Variants in GRID1 observed in about 807,000 individuals in gnomAD.
GRID1 encodes glutamate receptor ionotropic, delta-1.
In GRID1, 28 loss-of-function variants were observed where a neutral mutation model predicts 98.0. The ratio of observed to expected loss-of-function variants is 0.29; its 90% CI spans 0.21 to 0.39. The LOEUF (loss-of-function observed/expected upper bound fraction) is 0.39. Among genes scored for constraint, GRID1 ranks in the 10% least tolerant of loss-of-function variants. The pLI, the probability that GRID1 is intolerant of heterozygous loss-of-function variation, is 1.00. For missense variants in GRID1, 1,111 were observed against 1,340.5 expected, an observed-to-expected ratio of 0.83 and a Z score of 2.67; for synonymous variants, 553 against 538.5, an observed-to-expected ratio of 1.03 and a Z score of -0.37.
At chr10:86,076,219 T>G (rs536097785) in intron 4 of GRID1, among the ~76,000 whole-genome samples, 2 of 152,362 alleles carry the variant, frequency 1.3e-5, no homozygotes, top group South Asian at 2.1e-4. Flanking sequence ...AAACATTCCC[T>G]GCTAGTATAT....
intron 4 of GRID1, among the ~76,000 whole-genome samples, chr10:85,978,917 T>C (rs1191856370): frequency 6.6e-6 from 1 of 152,124 alleles, no homozygotes; most frequent in East Asian, 1.9e-4. Flanking sequence ...TACAGAGAAA[T>C]TGGGGCTCAG....
chr10:86,203,529 C>T (rs568902407), intron 3 of GRID1, among the ~76,000 whole-genome samples: 3 of 82,316 alleles, frequency 3.6e-5, no homozygotes, highest in South Asian at 3.3e-4. Context: ...CACTGGGCAC[C>T]GGGTTAAAAT....
chr10:86,247,221 G>A (rs925503014), intron 2 of GRID1, among the ~76,000 whole-genome samples: 1 of 151,458 alleles, frequency 6.6e-6, no homozygotes, highest in South Asian at 2.1e-4. Flanking sequence ...AGATGGGTAA[G>A]TAGATGGAAG....
intron 8 of GRID1, among the ~76,000 whole-genome samples, chr10:85,835,530 T>TC (rs1842905068): frequency 6.6e-6 from 1 of 152,186 alleles, no homozygotes; most frequent in African/African-American, 2.4e-5. Flanking sequence ...GTGATATTGC[T>TC]CCTCCTTTGC....
chr10:85,763,315 G>T (rs1218288789), intron 8 of GRID1, among the ~76,000 whole-genome samples: 1 of 152,154 alleles, frequency 6.6e-6, no homozygotes, highest in Non-Finnish European at 1.5e-5. Flanking sequence ...TCTCTTACGA[G>T]GAAGAGCAAG....
chr10:85,837,388 G>T (rs992982097), intron 8 of GRID1, among the ~76,000 whole-genome samples: 3 of 152,122 alleles, frequency 2.0e-5, no homozygotes, highest in Admixed American at 2.0e-4. Context: ...AGTGAGGCTG[G>T]CACCCCTGCC....
At chr10:86,055,957 A>C (rs1186335684) in intron 4 of GRID1, among the ~76,000 whole-genome samples, 1 of 152,208 alleles carries the variant, frequency 6.6e-6, no homozygotes, top group African/African-American at 2.4e-5. Flanking sequence ...TGTGAGAAAA[A>C]CAAATTTCTG....
At chr10:86,319,062 G>A (rs1204775246) in intron 2 of GRID1, among the ~76,000 whole-genome samples, 1 of 152,144 alleles carries the variant, frequency 6.6e-6, no homozygotes, top group African/African-American at 2.4e-5. Context: ...CAGGGTGGGG[G>A]GAACTGGGAG....
chr10:85,841,756 C>T (rs1490234683), intron 8 of GRID1, among the ~76,000 whole-genome samples: 4 of 151,796 alleles, frequency 2.6e-5, no homozygotes, highest in South Asian at 4.2e-4. Flanking sequence ...TAAAGAAATG[C>T]AAATTAAAAG....
intron 12 of GRID1, among the ~76,000 whole-genome samples, chr10:85,669,646 G>A (rs978231898): frequency 2.0e-5 from 3 of 152,076 alleles, no homozygotes; most frequent in African/African-American, 7.2e-5. Flanking sequence ...TGCTCTGTAG[G>A]TCCTGATTTG....
intron 8 of GRID1, among the ~76,000 whole-genome samples, chr10:85,804,111 T>C (rs575287881): frequency 2.7e-5 from 4 of 148,232 alleles, no homozygotes; most frequent in South Asian, 4.3e-4. Flanking sequence ...ACAGTAACAA[T>C]AAAAATTGAT....
chr10:85,859,850 C>T (rs1843148450), intron 6 of GRID1, among the ~76,000 whole-genome samples: 2 of 152,172 alleles, frequency 1.3e-5, no homozygotes, highest in Admixed American at 6.5e-5. Flanking sequence ...AGGAAAGGCC[C>T]TAACCTCACA....
At chr10:86,220,892 G>A (rs1846243052) in intron 2 of GRID1, among the ~76,000 whole-genome samples, 2 of 152,216 alleles carry the variant, frequency 1.3e-5, no homozygotes, top group African/African-American at 4.8e-5. Context: ...AGCATCTGAG[G>A]GGACCACCCT....
chr10:86,031,770 G>C (rs1247648718), intron 4 of GRID1, among the ~76,000 whole-genome samples: 1 of 152,034 alleles, frequency 6.6e-6, no homozygotes, highest in African/African-American at 2.4e-5. Context: ...CCATCTTAAA[G>C]TACATTTCTT....
chr10:86,017,120 C>A (rs10788476), intron 4 of GRID1, among the ~76,000 whole-genome samples: 2 of 152,018 alleles, frequency 1.3e-5, no homozygotes, highest in Non-Finnish European at 2.9e-5. Flanking sequence ...TTCCTGGTTT[C>A]CAATTTGACC....
intron 4 of GRID1, among the ~76,000 whole-genome samples, chr10:86,046,402 C>A (rs563743600): frequency 6.6e-6 from 1 of 152,172 alleles, no homozygotes. Context: ...ACCACCAGCT[C>A]GCCCTTGAAT....
intron 12 of GRID1, among the ~76,000 whole-genome samples, chr10:85,660,448 G>A (rs1379824644): frequency 1.3e-5 from 2 of 152,120 alleles, no homozygotes; most frequent in African/African-American, 2.4e-5. Flanking sequence ...CAAACATCTG[G>A]GGATATCCAA....
intron 2 of GRID1, among the ~76,000 whole-genome samples, chr10:86,355,525 C>A (rs1482477370): frequency 1.3e-5 from 2 of 152,216 alleles, no homozygotes; most frequent in Non-Finnish European, 2.9e-5. Flanking sequence ...GCTAACACCC[C>A]CCACCTCACC....
At chr10:86,298,507 G>A (rs1215971586) in intron 2 of GRID1, among the ~76,000 whole-genome samples, 2 of 152,186 alleles carry the variant, frequency 1.3e-5, no homozygotes, top group Non-Finnish European at 1.5e-5. Flanking sequence ...TGTGCTGGGG[G>A]TGTGGGGCTA....
Sources: gnomAD v4.1 joint callset for allele counts (sites outside exome capture counted in the v4.1 genomes callset) on GRCh38, gnomAD v4.1.1 for gene constraint, MANE v1.5 for transcripts, NCBI Gene and HGNC (gene_info 2026-07-23, HGNC 2026-07-21) for gene names.